RYR1: variants seen among roughly 807,000 people sequenced by gnomAD.
The protein encoded by RYR1 is central core disease of muscle.
A neutral mutation model predicts 583.5 loss-of-function variants in RYR1; 342 were observed. The observed-to-expected ratio is 0.59, with a 90% CI of 0.54 to 0.64. The LOEUF (loss-of-function observed/expected upper bound fraction) is 0.64, where lower values mean the gene tolerates loss of function less well. RYR1 is among the 30% of genes least tolerant of loss of function. The pLI, the probability that RYR1 is intolerant of heterozygous loss-of-function variation, is 0.00. For missense variants in RYR1, 6,032 were observed against 6,917.2 expected (o/e 0.87, Z 4.54); for synonymous variants, 2,791 against 2,822.5 (o/e 0.99, Z 0.35).
chr19:38,461,478 C>G (rs1967739737), intron 20 of RYR1, among the ~76,000 whole-genome samples: 1 of 151,914 alleles, frequency 6.6e-6, no homozygotes, highest in Non-Finnish European at 1.5e-5. Context: ...CACCTGCGAT[C>G]CTAGAACTCT....
At chr19:38,517,209 G>A in intron 65 of RYR1, 150 bp from the exon 66 acceptor site, 1 of 820,212 alleles carries the variant, frequency 1.2e-6, no homozygotes, top group Non-Finnish European at 2.0e-6. Context: ...AGGTAGTTGG[G>A]TTGGAGGGTG....
chr19:38,459,271 G>A lies in RYR1; in HGVS notation c.2293G>A (p.Gly765Ser), dbSNP rs1380227293. ...CCGCATCAACGGCTGCCCCGTGCAGGGTGTCTTTGAGTCCTTCAACCTGGA... is the reference window on the plus strand; with the variant it reads ...CCGCATCAACGGCTGCCCCGTGCAGAGTGTCTTTGAGTCCTTCAACCTGGA... ...SFRINGCPVQ[G>S]VFESFNLDGL... is the part of the protein sequence containing the mutation. Residue 765 changes from glycine to serine, a missense_variant, in exon 19 of 106, where the codon GGT becomes AGT. By Grantham distance (56) the Gly-to-Ser change is moderately conservative. Coordinates refer to ENST00000359596, the MANE Select transcript of RYR1 (RefSeq NM_000540.3). The A allele has an allele frequency of 1.1e-5, 17 of 1,614,002 alleles. No homozygotes were observed. The highest frequency in any genetic ancestry group is 1.4e-5 in the Non-Finnish European group (16 of 1,179,984).
intron 93 of RYR1, 67 bp from the exon 94 acceptor site, chr19:38,570,540 T>C: frequency 8.5e-7 from 1 of 1,177,196 alleles, no homozygotes; most frequent in South Asian, 1.2e-5. Context: ...AGGTAAATGA[T>C]GGGATGAATT....
chr19:38,582,871 A>G (rs1289798005), intron 101 of RYR1, among the ~76,000 whole-genome samples: 1 of 152,166 alleles, frequency 6.6e-6, no homozygotes, highest in African/African-American at 2.4e-5. Context: ...GACAAAGTCC[A>G]GCTCCTCAAC....
In RYR1 at chr19:38,457,710, A is replaced by G. The variant is rs935060539; in HGVS notation, c.1925+80A>G. On this transcript the variant is annotated intron_variant, in intron 17 of 105. Coordinates refer to ENST00000359596, the MANE Select transcript of RYR1 (RefSeq NM_000540.3). Reference sequence around the variant, plus strand: ...ACTTAGAGACTCCACACCCAGATGGATGTCCTTTCCTTAATCTCCCACCCC... The same window carrying G: ...ACTTAGAGACTCCACACCCAGATGGGTGTCCTTTCCTTAATCTCCCACCCC... The G allele has an allele frequency of 4.8e-6, 7 of 1,454,636 alleles. No homozygotes were observed. In the Admixed American group the frequency reaches 8.5e-5, roughly 18 times the overall value. The allele number at this position is 1,454,636 out of a possible 1,614,324, so 90.1% of individuals were successfully genotyped here.
chr19:38,489,517 C>T lies in RYR1; in HGVS notation c.5814+74C>T. 4 of 1,561,996 alleles carry T rather than the reference C, an allele frequency of 2.6e-6. No individual in the cohort carries two copies. The South Asian group carries it at 4.5e-5, about 17-fold the overall frequency. On this transcript the variant is annotated intron_variant, in intron 35 of 105. Transcript: ENST00000359596. ...GACACAGGGTAGGTGGGATGTGAGTCTGGACTTCGTCCTCAGGCAGTGGGG... is the reference window on the plus strand; with the variant it reads ...GACACAGGGTAGGTGGGATGTGAGTTTGGACTTCGTCCTCAGGCAGTGGGG...
chr19:38,565,115 G>A lies in RYR1; in HGVS notation c.12781G>A (p.Glu4261Lys), dbSNP rs1175959813. The A allele has an allele frequency of 1.9e-6, 3 of 1,540,346 alleles. No homozygotes were observed. The highest frequency in any genetic ancestry group is 1.2e-5 in the South Asian group (1 of 84,116). Reference sequence around the variant, plus strand: ...GCCCGAGGGCGAGCCGGAGACCGACGAGGACGAGGGCGCGGGCGCGGCGGA... The same window carrying A: ...GCCCGAGGGCGAGCCGGAGACCGACAAGGACGAGGGCGCGGGCGCGGCGGA... ...SEPEGEPETD[E>K]DEGAGAAEAG... The change falls in exon 91 of 106, where the codon GAG (glutamate) becomes AAG (lysine). Residue 4261 changes from glutamate (E) to lysine (K), a missense_variant. Around this residue, in one of 11 missense-constraint regions of RYR1, gnomAD observed 753 missense variants for 759.6 expected, o/e 0.99. Transcript: ENST00000359596. This position sits in a 1 kb window ranked among gnomAD's most constrained non-coding sequence, Gnocchi z 4.7.
chr19:38,528,401 C>G lies in RYR1; in HGVS notation c.10920C>G (p.Pro3640=). ...TCGTGGCCTGTTTCCGTATGACGCCCCTGTACAACCTGCCCACGTAAGGCC... is the reference window on the plus strand; with the variant it reads ...TCGTGGCCTGTTTCCGTATGACGCCGCTGTACAACCTGCCCACGTAAGGCC... ...RAVVACFRMT[P]LYNLPTHRAC... is the part of the protein sequence containing the mutation. Residue 3640 remains proline (P), a synonymous_variant, in exon 74 of 106, where the codon CCC becomes CCG. Transcript: ENST00000359596. 1 of 1,614,104 alleles carries G rather than the reference C, an allele frequency of 6.2e-7. No individual in the cohort carries two copies. Among genetic ancestry groups the G allele is most frequent in the Non-Finnish European group, 8.5e-7 (1 of 1,180,014 alleles).
intron 20 of RYR1, 113 bp from the exon 21 acceptor site, chr19:38,463,310 A>G (rs1270221644): frequency 1.8e-5 from 15 of 827,334 alleles, no homozygotes; most frequent in Admixed American, 4.0e-5. Context: ...GGATGGTGGG[A>G]AAGGGGGTGC....
rs1013808700 is a variant in RYR1 at position 38,473,610 on chromosome 19, C to T, written c.3999C>T (p.Asn1333=). ...CGGAACCCGACCCTGACTACGAAAA[C>T]CTGCGCCGCTCAGCTGGGGGCTGGA... ...RAAEPDPDYE[N]LRRSAGGWSE... Residue 1333 remains asparagine (N), a synonymous_variant, in exon 28 of 106, where the codon AAC becomes AAT. Transcript: ENST00000359596. 3.8e-6 allele frequency: 6 copies of T among 1,572,042 alleles called. No homozygotes were observed. Among genetic ancestry groups the T allele is most frequent in the Non-Finnish European group, 4.3e-6 (5 of 1,158,860 alleles).
At chr19:38,557,510 A>G (rs1241191465) in intron 89 of RYR1, among the ~76,000 whole-genome samples, 1 of 152,238 alleles carries the variant, frequency 6.6e-6, no homozygotes, top group African/African-American at 2.4e-5. Context: ...GAGAGTTGAA[A>G]GATACCATAT....
At chr19:38,507,096 A>C in intron 57 of RYR1, 144 bp downstream of exon 57, 2 of 1,352,414 alleles carry the variant, frequency 1.5e-6, no homozygotes, top group Non-Finnish European at 2.0e-6. Flanking sequence ...GAGCTAAGGG[A>C]GTGGGGCCTG....
intron 13 of RYR1, among the ~76,000 whole-genome samples, chr19:38,453,600 A>G (rs998446291): frequency 6.6e-6 from 1 of 151,714 alleles, no homozygotes; most frequent in Non-Finnish European, 1.5e-5. Flanking sequence ...AAAATAAATA[A>G]GTAAATTGTA....
At chr19:38,542,775 C>A (rs1451919938) in intron 84 of RYR1, among the ~76,000 whole-genome samples, 2 of 152,014 alleles carry the variant, frequency 1.3e-5, no homozygotes, top group Non-Finnish European at 1.5e-5. Flanking sequence ...CCCACCTGGG[C>A]CTCCCAAAGT....
chr19:38,456,649 C>A (rs1967410137), intron 16 of RYR1, among the ~76,000 whole-genome samples: 1 of 152,036 alleles, frequency 6.6e-6, no homozygotes, highest in Admixed American at 6.6e-5. Flanking sequence ...TATATATACA[C>A]ACACTCTGTA....
At position 38,577,956 on chromosome 19, in the gene RYR1, G is replaced by A. The variant is rs1472483008; in HGVS notation, c.14211G>A (p.Arg4737=). 3 of 1,613,992 alleles carry A rather than the reference G, an allele frequency of 1.9e-6. No individual in the cohort carries two copies. Among genetic ancestry groups the A allele is most frequent in the East Asian group, 2.2e-5 (1 of 44,894 alleles). Residue 4737 remains arginine (R), a synonymous_variant, in exon 98 of 106, where the codon CGG becomes CGA. Transcript: ENST00000359596. ...ATGGGGACATCTACGGGCGGGAGCG[G>A]ATTGCTGAGCTACTGGGCATGGACC... is the stretch of plus-strand genomic sequence containing the variant. The part of the protein sequence containing the change: ...DKHGDIYGRE[R]IAELLGMDLA...
Position 38,505,319 on chromosome 19 carries a change from A to G in RYR1, c.8321A>G (p.Asn2774Ser), listed in dbSNP as rs545695463. ...EKWAFDKIQN[N>S]WSYGENIDEE... Reference sequence around the variant, plus strand: ...CCCCTCCATCTCTAGATCCAGAACAACTGGTCCTATGGAGAGAACATAGAC... The same window carrying G: ...CCCCTCCATCTCTAGATCCAGAACAGCTGGTCCTATGGAGAGAACATAGAC... Residue 2774 changes from asparagine to serine, a missense_variant, in exon 53 of 106, where the codon AAC becomes AGC. By Grantham distance (46) the Asn-to-Ser change is conservative (BLOSUM62 1). Coordinates refer to ENST00000359596, the MANE Select transcript of RYR1 (RefSeq NM_000540.3). 6.2e-7 allele frequency: 1 copy of G among 1,610,504 alleles called. No individual in the cohort carries two copies. Among genetic ancestry groups the G allele is most frequent in the African/African-American group, 1.3e-5 (1 of 74,816 alleles).
intron 99 of RYR1, 21 bp from the exon 100 acceptor site, chr19:38,579,961 C>T: frequency 6.2e-7 from 1 of 1,614,060 alleles, no homozygotes; most frequent in Non-Finnish European, 8.5e-7. Flanking sequence ...CCCCCTGACC[C>T]CTGGCCCTGT....
intron 101 of RYR1, among the ~76,000 whole-genome samples, chr19:38,581,963 T>A (rs1157517656): frequency 2.0e-5 from 3 of 152,174 alleles, no homozygotes; most frequent in Non-Finnish European, 4.4e-5. Flanking sequence ...AGCGTGCCCC[T>A]GCCACTTATG....
Sources: gnomAD v4.1 joint callset for allele counts (sites outside exome capture counted in the v4.1 genomes callset) on GRCh38, gnomAD v4.1.1 for gene constraint, gnomAD v4.1.1 regional missense constraint, Gnocchi (gnomAD v3.1) non-coding constraint, MANE v1.5 for transcripts, NCBI Gene and HGNC (gene_info 2026-07-23, HGNC 2026-07-21) for gene names.